Variants in PRKCSH observed in about 807,000 individuals in gnomAD.
The protein encoded by PRKCSH is glucosidase 2 subunit beta.
A neutral mutation model predicts 79.7 loss-of-function variants in PRKCSH; 42 were observed. The observed-to-expected ratio is 0.53, with a 90% CI of 0.41 to 0.68. The LOEUF (loss-of-function observed/expected upper bound fraction) is 0.68, where lower values mean the gene tolerates loss of function less well. Ranked by LOEUF, PRKCSH falls within the 30% of genes least tolerant of loss-of-function variation. PRKCSH has a pLI of 0.00. For missense variants in PRKCSH, 686 were observed against 709.0 expected (o/e 0.97, Z 0.37); for synonymous variants, 325 against 288.2 (o/e 1.13, Z -1.29).
intron 6 of PRKCSH, 93 bp from the exon 7 acceptor site, chr19:11,442,293 C>T: frequency 2.0e-6 from 3 of 1,501,978 alleles, no homozygotes; most frequent in Non-Finnish European, 2.7e-6. Context: ...GAACATCTCC[C>T]TGCTGCCCTG....
chr19:11,441,626 G>A (rs556100779), intron 6 of PRKCSH, among the ~76,000 whole-genome samples: 17 of 152,328 alleles, frequency 1.1e-4, no homozygotes, highest in African/African-American at 3.8e-4. Context: ...GCCTCCTGGG[G>A]ATGGGAGGGT....
Position 11,442,647 on chromosome 19 carries a change from T to C in PRKCSH, c.598+132T>C, listed in dbSNP as rs184492733. The C allele has an allele frequency of 2.7e-3, 3,789 of 1,393,822 alleles. 8 individuals are homozygous for C. Among genetic ancestry groups the C allele is most frequent in the Non-Finnish European group, 3.5e-3 (3,550 of 1,014,420 alleles). The allele number at this position is 1,393,822 out of a possible 1,614,324, so 86.3% of individuals were successfully genotyped here. ...TCATGCTGCCCATCGCCTTGTGTGC[T>C]TTGAGGTTCGCTTGGATTGTGGCAT... On this transcript the variant is annotated intron_variant, in intron 7 of 17. Coordinates refer to ENST00000677123, the MANE Select transcript of PRKCSH (RefSeq NM_001289104.2).
intron 8 of PRKCSH, 182 bp downstream of exon 8, chr19:11,445,655 G>T: frequency 3.0e-6 from 2 of 677,830 alleles, no homozygotes; most frequent in Non-Finnish European, 5.3e-6. Flanking sequence ...AGGATGCCCT[G>T]GGCGAGGAGA....
chr19:11,450,202 G>A (rs747387652), intron 17 of PRKCSH, among the ~76,000 whole-genome samples: 2 of 151,400 alleles, frequency 1.3e-5, no homozygotes, highest in African/African-American at 4.8e-5. Flanking sequence ...GCCAGGCGTC[G>A]TGGCTCACAT....
chr19:11,442,632 C>T, intron 7 of PRKCSH, 117 bp downstream of exon 7: 1 of 1,464,448 alleles, frequency 6.8e-7, no homozygotes, highest in Non-Finnish European at 9.3e-7. Flanking sequence ...TCATGCTGCC[C>T]ATCGCCTTGT....
intron 7 of PRKCSH, among the ~76,000 whole-genome samples, chr19:11,444,615 G>C (rs1005717527): frequency 6.6e-6 from 1 of 152,160 alleles, no homozygotes; most frequent in African/African-American, 2.4e-5. Context: ...CTGAATCCTG[G>C]TATACAGTAG....
chr19:11,445,551 C>A, intron 8 of PRKCSH, 78 bp downstream of exon 8: 1 of 1,389,786 alleles, frequency 7.2e-7, no homozygotes, highest in Non-Finnish European at 1.0e-6. Flanking sequence ...CCTCTAGAAA[C>A]CAGCCAGATC....
Position 11,447,328 on chromosome 19 carries a change from G to T in PRKCSH, c.850-111G>T. ...CCCCAGCTGTCGGTCCTCCCTGCAG[G>T]CCCCGCAGGAGGGGCAGAGACACCG... On this transcript the variant is annotated intron_variant, in intron 10 of 17. Coordinates refer to ENST00000677123, the MANE Select transcript of PRKCSH (RefSeq NM_001289104.2). This position sits in a 1 kb window ranked among gnomAD's most constrained non-coding sequence, Gnocchi z 5.6. The T allele has an allele frequency of 7.3e-7, 1 of 1,377,674 alleles. No homozygotes were observed. The highest frequency in any genetic ancestry group is 1.0e-6 in the Non-Finnish European group (1 of 991,360). 85.3% of individuals were successfully genotyped at this position (1,377,674 alleles called of 1,614,324 possible).
At chr19:11,438,210 T>G in intron 5 of PRKCSH, 86 bp downstream of exon 5, 1 of 1,428,068 alleles carries the variant, frequency 7.0e-7, no homozygotes, top group Admixed American at 1.8e-5. Context: ...CTCTCTCTTC[T>G]GCTTTTCTGT....
chr19:11,441,157 C>G, intron 5 of PRKCSH, 83 bp from the exon 6 acceptor site: 2 of 1,390,676 alleles, frequency 1.4e-6, no homozygotes, highest in Non-Finnish European at 2.0e-6. Flanking sequence ...GGGGCCACAG[C>G]TGGATTGAGC....
chr19:11,439,605 CT>C (rs758607686), intron 5 of PRKCSH, among the ~76,000 whole-genome samples: 98 of 68,850 alleles, frequency 1.4e-3, no homozygotes, highest in African/African-American at 3.1e-3. Context: ...TTTTTCTTTT[CT>C]TTTTTTTTTT....
intron 6 of PRKCSH, among the ~76,000 whole-genome samples, 184 bp downstream of exon 6, chr19:11,441,541 G>T (rs1311648638): frequency 6.6e-6 from 1 of 152,150 alleles, no homozygotes; most frequent in Non-Finnish European, 1.5e-5. Flanking sequence ...AATAGTTCCC[G>T]AGGGGGAGGC....
chr19:11,439,081 G>T (rs1969922459), intron 5 of PRKCSH, among the ~76,000 whole-genome samples: 1 of 151,970 alleles, frequency 6.6e-6, no homozygotes, highest in Non-Finnish European at 1.5e-5. Flanking sequence ...GCTAACTTTT[G>T]TATTTTTGGT....
At position 11,446,252 on chromosome 19, in the gene PRKCSH, C is replaced by G. The variant is rs368446156; in HGVS notation, c.684-20C>G. On this transcript the variant is annotated intron_variant, in intron 8 of 17. Coordinates refer to ENST00000677123, the MANE Select transcript of PRKCSH (RefSeq NM_001289104.2). ...ACTGGGGCCTCACCCCTCCAGTCTG[C>G]TTCTGCCACGCCCCCGCAGGGTCTC... 1 of 1,612,190 alleles carries G rather than the reference C, an allele frequency of 6.2e-7. No homozygotes were observed. Among genetic ancestry groups the G allele is most frequent in the South Asian group, 1.1e-5 (1 of 90,982 alleles).
Position 11,442,456 on chromosome 19 carries a change from AGGAGG to A in PRKCSH, c.540_544del (p.Glu181SerfsTer2). 8 of 1,612,316 alleles carry A rather than the reference AGGAGG, an allele frequency of 5.0e-6. No individual in the cohort carries two copies. Among genetic ancestry groups the A allele is most frequent in the Non-Finnish European group, 6.8e-6 (8 of 1,179,430 alleles). ...CAGGTGGAGATGCTGCGGACAGTGA[AGGAGG>A]AAGCTGAGAAGCCAGAGAGAGAGGC... On this transcript the variant is annotated frameshift_variant, in exon 7 of 18. Transcript: ENST00000677123. LOFTEE classifies it high-confidence loss of function.
rs1297522617 is a variant in PRKCSH, at chr19:11,436,420, C to T, written c.111C>T (p.Phe37=). ...NHHFYDESKP[F]TCLDGSATIP... is the part of the protein sequence containing the mutation. ...ACTTCTACGATGAGTCCAAGCCTTT[C>T]ACCTGCCTGGACGGTTCGGCCACCA... is the stretch of plus-strand genomic sequence containing the variant. The change falls in exon 3 of 18, where the codon TTC becomes TTT. Residue 37 remains phenylalanine, a synonymous_variant. Transcript: ENST00000677123. 20 of 1,614,106 alleles carry T rather than the reference C, an allele frequency of 1.2e-5. No homozygotes were observed. The highest frequency in any genetic ancestry group is 2.7e-5 in the African/African-American group (2 of 74,932).
At position 11,436,391 on chromosome 19, in the gene PRKCSH, C is replaced by T. The variant is rs149258999; in HGVS notation, c.82C>T (p.His28Tyr). 2.7e-5 allele frequency: 44 copies of T among 1,614,008 alleles called. No homozygotes were observed. The Middle Eastern group carries it at 5.0e-4, about 18-fold the overall frequency. Residue 28 changes from histidine (H) to tyrosine (Y), a missense_variant and splice_region_variant, in exon 3 of 18, where the codon CAT becomes TAT. His to Tyr is a moderately conservative substitution (Grantham distance 83, BLOSUM62 2). Coordinates refer to ENST00000677123, the MANE Select transcript of PRKCSH (RefSeq NM_001289104.2). The part of the protein sequence containing the change: ...KRPRGVSLTN[H>Y]HFYDESKPFT... The stretch of plus-strand genomic sequence containing the variant: ...GCTGAGCTTCCTGTACCCCGCAGAT[C>T]ATCACTTCTACGATGAGTCCAAGCC...
chr19:11,449,070 TCA>T lies in PRKCSH; in HGVS notation c.1362-3_1362-2del, dbSNP rs1488332796. ...CCCAGCCCTCAGCACCCTGTGTCTCTCACAGCACCTGGGGCTCATGGATTGGC... is the reference window on the plus strand; with the variant it reads ...CCCAGCCCTCAGCACCCTGTGTCTCTCAGCACCTGGGGCTCATGGATTGGC... On this transcript the variant is annotated splice_region_variant and splice_polypyrimidine_tract_variant and intron_variant, in intron 15 of 17. Coordinates refer to ENST00000677123, the MANE Select transcript of PRKCSH (RefSeq NM_001289104.2). The surrounding 1 kb of genome is among the most constrained non-coding windows in gnomAD (Gnocchi z 6.4). 1.9e-6 allele frequency: 3 copies of T among 1,613,382 alleles called. No individual in the cohort carries two copies. The South Asian group carries it at 3.3e-5, about 18-fold the overall frequency.
intron 5 of PRKCSH, among the ~76,000 whole-genome samples, chr19:11,439,469 T>G (rs953622671): frequency 6.6e-6 from 1 of 150,650 alleles, no homozygotes; most frequent in African/African-American, 2.4e-5. Context: ...ATTTAAAAAA[T>G]TACTGGTTGG....
Sources: allele counts gnomAD v4.1 joint callset (sites outside exome capture counted in the v4.1 genomes callset), GRCh38; gene constraint gnomAD v4.1.1; non-coding constraint Gnocchi (gnomAD v3.1); transcripts MANE v1.5; gene names NCBI Gene and HGNC (gene_info 2026-07-23, HGNC 2026-07-21).